Variants in SMARCA2 observed in about 807,000 individuals in gnomAD.
SMARCA2 encodes the protein SWI/SNF-related matrix-associated actin-dependent regulator of chromatin subfamily A member 2.
SMARCA2 carries 61 observed loss-of-function variants against 199.8 expected under a neutral mutation model. That is an observed-to-expected ratio of 0.31 (90% CI 0.25 to 0.38). The LOEUF is 0.38. Ranked by LOEUF, SMARCA2 falls within the 10% of genes least tolerant of loss-of-function variation. The pLI is 1.00. For missense variants in SMARCA2, 1,344 were observed against 2,012.2 expected (o/e 0.67, Z 6.35); for synonymous variants, 935 against 732.0 (o/e 1.28, Z -4.48).
At chr9:2,023,156 C>G (rs563893754) in intron 1 of SMARCA2, among the ~76,000 whole-genome samples, 1 of 152,272 alleles carries the variant, frequency 6.6e-6, no homozygotes, top group South Asian at 2.1e-4. Flanking sequence ...ATGTTAAGAG[C>G]CAGGATCCTA....
At chr9:2,087,836 T>C (rs776870414) in intron 18 of SMARCA2, among the ~76,000 whole-genome samples, 10 of 152,206 alleles carry the variant, frequency 6.6e-5, no homozygotes, top group Non-Finnish European at 1.5e-4. Context: ...CCATCCTCAG[T>C]AGTTAACTCA....
At chr9:2,179,213 A>T (rs1338512976) in intron 29 of SMARCA2, among the ~76,000 whole-genome samples, 1 of 152,088 alleles carries the variant, frequency 6.6e-6, no homozygotes, top group Non-Finnish European at 1.5e-5. Context: ...ACTAGAAGAG[A>T]AGTGTGTTGG....
intron 19 of SMARCA2, among the ~76,000 whole-genome samples, chr9:2,092,159 CTT>C (rs1385435825): frequency 2.6e-5 from 4 of 152,270 alleles, no homozygotes; most frequent in Admixed American, 1.3e-4. Flanking sequence ...TGTGCTGACT[CTT>C]TTGTTAATTC....
intron 27 of SMARCA2, chr9:2,158,492 C>G (rs186085292): frequency 6.4e-6 from 1 of 155,242 alleles, no homozygotes; most frequent in Non-Finnish European, 1.4e-5. Context: ...GCATGGGAGC[C>G]GTCTGTATGT....
chr9:2,044,231 G>A (rs974761863), intron 4 of SMARCA2: 4 of 152,190 alleles, frequency 2.6e-5, no homozygotes, highest in Admixed American at 2.0e-4. Context: ...ACAATCTGTC[G>A]GAGGGAAGAG....
At chr9:2,146,664 G>A (rs1405831230) in intron 27 of SMARCA2, among the ~76,000 whole-genome samples, 2 of 152,206 alleles carry the variant, frequency 1.3e-5, no homozygotes, top group Admixed American at 6.5e-5. Flanking sequence ...GAGCAGCTTC[G>A]AGGGCTGCTG....
rs1468238216 is a variant in SMARCA2, at chr9:2,109,240, C to T, written c.3293-1014C>T. Among the ~76,000 whole-genome samples the T allele has an allele frequency of 3.3e-5, 5 of 152,176 alleles. No homozygotes were observed. The East Asian group carries it at 9.6e-4, about 29-fold the overall frequency. ...CAGCTGGTCAGAGACTGTCATGTAACATGCATACATATTTCCCAACAGCCT... is the reference window on the plus strand; with the variant it reads ...CAGCTGGTCAGAGACTGTCATGTAATATGCATACATATTTCCCAACAGCCT... On this transcript the variant is annotated intron_variant, in intron 23 of 33. Coordinates refer to ENST00000349721, the MANE Select transcript of SMARCA2 (RefSeq NM_003070.5).
In SMARCA2 at chr9:2,069,899, G is replaced by A. The variant is rs769589096; in HGVS notation, c.1693-519G>A. Among the ~76,000 whole-genome samples, 12 of 152,130 alleles carry A rather than the reference G, an allele frequency of 7.9e-5. No individual in the cohort carries two copies. The South Asian group carries it at 8.3e-4, about 11-fold the overall frequency. ...TCCTGTCACCCAGGTGGAGATCATC[G>A]TACCCAATAATTAGTTTTTCAGCTC... On this transcript the variant is annotated intron_variant, in intron 9 of 33. Coordinates refer to ENST00000349721, the MANE Select transcript of SMARCA2 (RefSeq NM_003070.5).
chr9:2,055,309 T>A (rs1820303758), intron 6 of SMARCA2, among the ~76,000 whole-genome samples: 1 of 152,248 alleles, frequency 6.6e-6, no homozygotes, highest in African/African-American at 2.4e-5. Flanking sequence ...ACAGCAGTTA[T>A]TAAAAGCCAG....
chr9:2,043,943 C>G (rs1819723338), intron 4 of SMARCA2: 1 of 152,112 alleles, frequency 6.6e-6, no homozygotes, highest in Non-Finnish European at 1.5e-5. Context: ...AAATTGTTTA[C>G]GTTGGAGAGG....
At chr9:2,187,325 C>T (rs2129956630) in intron 32 of SMARCA2, among the ~76,000 whole-genome samples, 1 of 152,206 alleles carries the variant, frequency 6.6e-6, no homozygotes, top group East Asian at 1.9e-4. Flanking sequence ...CTAGTTCCAG[C>T]CGTGACTGAT....
intron 30 of SMARCA2, 89 bp from the exon 31 acceptor site, chr9:2,182,052 A>T (rs967551111): frequency 3.4e-6 from 3 of 885,218 alleles, no homozygotes; most frequent in Non-Finnish European, 5.7e-6. Context: ...GTGAAGACAA[A>T]GGGAAAATCA....
chr9:2,037,601 G>A (rs1166825191), intron 3 of SMARCA2, among the ~76,000 whole-genome samples: 1 of 152,138 alleles, frequency 6.6e-6, no homozygotes, highest in Non-Finnish European at 1.5e-5. Flanking sequence ...CCAGTTGGTG[G>A]CGGTCATATA....
At chr9:2,102,546 A>G (rs1277067593) in intron 22 of SMARCA2, among the ~76,000 whole-genome samples, 5 of 152,228 alleles carry the variant, frequency 3.3e-5, no homozygotes, top group Non-Finnish European at 7.3e-5. Context: ...CAAGTTTTCC[A>G]AACAGTATCA....
At chr9:2,184,879 C>A (rs904042084) in intron 31 of SMARCA2, among the ~76,000 whole-genome samples, 3 of 152,018 alleles carry the variant, frequency 2.0e-5, no homozygotes, top group Non-Finnish European at 2.9e-5. Flanking sequence ...GTCCTTTGTT[C>A]TGTCATACTC....
rs1024239351 is a variant in SMARCA2 at position 2,104,960 on chromosome 9, G to T, written c.3292+791G>T. Among the ~76,000 whole-genome samples the T allele has an allele frequency of 1.3e-5, 2 of 152,176 alleles. No homozygotes were observed. Among genetic ancestry groups the T allele is most frequent in the African/African-American group, 4.8e-5 (2 of 41,442 alleles). The stretch of plus-strand genomic sequence containing the variant: ...CAGGATGCTATTTAATCCCTGGGTA[G>T]AAAAGAGGATACTGCTAATACCAGT... On this transcript the variant is annotated intron_variant, in intron 23 of 33. Transcript: ENST00000349721. The surrounding 1 kb of genome is among the most constrained non-coding windows in gnomAD (Gnocchi z 4.0).
At chr9:2,036,095 G>A (rs938171257) in intron 3 of SMARCA2, among the ~76,000 whole-genome samples, 5 of 152,212 alleles carry the variant, frequency 3.3e-5, no homozygotes, top group Admixed American at 2.0e-4. Flanking sequence ...ACTGAATTGT[G>A]TACCTTATGG....
chr9:2,055,581 A>T (rs1820316918), intron 6 of SMARCA2: 1 of 152,220 alleles, frequency 6.6e-6, no homozygotes, highest in Non-Finnish European at 1.5e-5. Context: ...TTGTTGGAGG[A>T]TGTGACTAAA....
chr9:2,134,076 A>T (rs981928656), intron 27 of SMARCA2, among the ~76,000 whole-genome samples: 1 of 152,208 alleles, frequency 6.6e-6, no homozygotes, highest in South Asian at 2.1e-4. Context: ...AGAAATACGT[A>T]TTAGCTATTA....
Sources: allele counts gnomAD v4.1 joint callset (sites outside exome capture counted in the v4.1 genomes callset), GRCh38; gene constraint gnomAD v4.1.1; non-coding constraint Gnocchi (gnomAD v3.1); transcripts MANE v1.5; gene names NCBI Gene and HGNC (gene_info 2026-07-23, HGNC 2026-07-21).